Variants in UAP1 observed in about 807,000 individuals in gnomAD.
The protein encoded by UAP1 is UDP-N-acetylhexosamine pyrophosphorylase.
In UAP1, 25 loss-of-function variants were observed where a neutral mutation model predicts 58.5. That is an observed-to-expected ratio of 0.43 (90% confidence interval 0.31 to 0.60). UAP1 has a LOEUF of 0.60. UAP1 is among the 20% of genes least tolerant of loss of function. The probability of loss-of-function intolerance (pLI) is 0.11; values close to 1 mark genes in which losing one functional copy is unlikely to be tolerated. For synonymous variants in UAP1, 208 were observed against 213.0 expected (o/e 0.98, Z 0.21); for missense variants, 575 against 630.0 (o/e 0.91, Z 0.93).
exon 8 of UAP1, chr1:162,590,510 C>A: frequency 6.3e-7 from 1 of 1,597,916 alleles, no homozygotes; most frequent in Non-Finnish European, 8.5e-7. Context: ...AGCAATTCCC[C>A]GGTAAGTCAG....
chr1:162,579,685 T>C, intron 4 of UAP1, 82 bp downstream of exon 4: 1 of 1,229,472 alleles, frequency 8.1e-7, no homozygotes, highest in Non-Finnish European at 1.1e-6. Context: ...TTTAACATGG[T>C]GATTTTGATA....
chr1:162,581,138 C>G, intron 4 of UAP1, 149 bp from the exon 5 acceptor site: 1 of 820,528 alleles, frequency 1.2e-6, no homozygotes, highest in Non-Finnish European at 1.9e-6. Flanking sequence ...TTTTTGACAC[C>G]TGATTCCTTC....
intron 2 of UAP1, among the ~76,000 whole-genome samples, chr1:162,572,884 A>G (rs1312703701): frequency 6.6e-6 from 1 of 152,212 alleles, no homozygotes; most frequent in Non-Finnish European, 1.5e-5. Flanking sequence ...TATATGTACT[A>G]TAGTCCTTTT....
exon 8 of UAP1, chr1:162,590,453 C>T (rs1557978530): frequency 6.2e-7 from 1 of 1,612,036 alleles, no homozygotes. Flanking sequence ...TTGCTGGGTC[C>T]TCAATGCAGG....
chr1:162,583,626 GTTTATTTA>G (rs763688305), intron 5 of UAP1, among the ~76,000 whole-genome samples: 2 of 151,772 alleles, frequency 1.3e-5, no homozygotes, highest in African/African-American at 2.4e-5. Flanking sequence ...TACTTTGTTT[GTTTATTTA>G]TTTATTTATT....
In UAP1 at chr1:162,599,317, T is replaced by A. The variant is rs190156359; in HGVS notation, c.1523T>A (p.Ile508Asn). 3.2e-5 allele frequency: 52 copies of A among 1,612,668 alleles called. No individual in the cohort carries two copies. The East Asian group carries it at 1.1e-3, about 35-fold the overall frequency. Residue 508 changes from isoleucine (I) to asparagine (N), a missense_variant, in exon 11 of 11, where the codon ATC becomes AAC. Physicochemically the swap from Ile to Asn is moderately radical, Grantham distance 149. Transcript: ENST00000271469. ...GATAAAGAATTCCATGCACCTCTAA[T>A]CATCGATGAGAATGGAGTTCATGAG...
intron 2 of UAP1, among the ~76,000 whole-genome samples, chr1:162,576,287 C>T (rs373794466): frequency 7.9e-5 from 12 of 151,994 alleles, no homozygotes; most frequent in Admixed American, 6.6e-4. Context: ...TTGGTATTTT[C>T]TTTACTCTGT....
intron 2 of UAP1, among the ~76,000 whole-genome samples, chr1:162,567,172 A>T (rs1571052430): frequency 6.6e-6 from 1 of 152,330 alleles, no homozygotes; most frequent in East Asian, 1.9e-4. Context: ...ACTTACACTC[A>T]TTCATTAAGG....
chr1:162,583,347 G>T (rs1164018581), intron 5 of UAP1, among the ~76,000 whole-genome samples: 1 of 151,702 alleles, frequency 6.6e-6, no homozygotes, highest in Non-Finnish European at 1.5e-5. Flanking sequence ...TACAGACGGG[G>T]TTTCACTATG....
At position 162,577,434 on chromosome 1, in the gene UAP1, CCTTT is replaced by C. The variant is rs1354224576; in HGVS notation, c.485+454_485+457del. Among the ~76,000 whole-genome samples the C allele has an allele frequency of 3.5e-4, 48 of 138,226 alleles. 1 individual carries two copies. Among genetic ancestry groups the C allele is most frequent in the African/African-American group, 1.3e-3 (46 of 34,850 alleles). 90.7% of individuals were successfully genotyped at this position (138,226 alleles called of 152,430 possible). ...CACCTTGGTCAGTGTTAGTTCCTTC[CCTTT>C]TTTTTTTTTTTTTTTTTTTTTTTTT... On this transcript the variant is annotated intron_variant, in intron 3 of 10. Coordinates refer to ENST00000271469, the Ensembl canonical transcript of UAP1.
chr1:162,570,494 T>C (rs1466223979), intron 2 of UAP1, among the ~76,000 whole-genome samples: 1 of 152,198 alleles, frequency 6.6e-6, no homozygotes, highest in Non-Finnish European at 1.5e-5. Flanking sequence ...TGCAGTATTT[T>C]AAGGCAAATC....
At chr1:162,593,323 A>G (rs1198591675) in intron 9 of UAP1, 1 of 152,638 alleles carries the variant, frequency 6.6e-6, no homozygotes, top group Non-Finnish European at 1.5e-5. Flanking sequence ...GAATCTTTTT[A>G]TCTTAATGGC....
rs140057169 is a variant in UAP1, at chr1:162,594,672, T to C, written c.1409+1890T>C. 8.3e-3 allele frequency among the ~76,000 whole-genome samples: 1,258 copies of C among 152,356 alleles called. 14 individuals are homozygous for C. Among genetic ancestry groups the C allele is most frequent in the Non-Finnish European group, 0.014 (954 of 68,040 alleles). On this transcript the variant is annotated intron_variant, in intron 9 of 10. Transcript: ENST00000271469. ...ATTAAATTTCTTTGTCATTGAACCA[T>C]AGCTTTTAACCTAACAGTGTAATAG...
chr1:162,590,462 G>C, exon 8 of UAP1: 4 of 1,609,284 alleles, frequency 2.5e-6, no homozygotes, highest in Non-Finnish European at 3.4e-6. Context: ...CCTCAATGCA[G>C]GGGGCCATTT....
chr1:162,585,584 T>C (rs1323808026), intron 5 of UAP1, among the ~76,000 whole-genome samples: 9 of 152,242 alleles, frequency 5.9e-5, no homozygotes, highest in Non-Finnish European at 1.3e-4. Context: ...CTTTTCTGTA[T>C]AATATAAATG....
rs1331549106 is a variant in UAP1, at chr1:162,592,723, C to T, written c.1359-9C>T. The T allele has an allele frequency of 3.2e-6, 5 of 1,545,616 alleles. No individual in the cohort carries two copies. In the African/African-American group the frequency reaches 5.5e-5, roughly 17 times the overall value. ...CCATTCCCATTAATCCTTATTTATT[C>T]CCACATAGCAGTGCTACAAATGGGA... is the stretch of plus-strand genomic sequence containing the variant. On this transcript the variant is annotated splice_polypyrimidine_tract_variant and intron_variant, in intron 8 of 10. Coordinates refer to ENST00000271469, the Ensembl canonical transcript of UAP1.
rs60264435 is a variant in UAP1 at position 162,566,630 on chromosome 1, A to ATT, written c.280+295_280+296dup. Among the ~76,000 whole-genome samples the ATT allele has an allele frequency of 2.6e-3, 371 of 144,706 alleles. 4 individuals are homozygous for ATT. The East Asian group carries it at 0.048, about 19-fold the overall frequency. 94.9% of individuals were successfully genotyped at this position (144,706 alleles called of 152,430 possible). A position where few individuals can be genotyped will look rare whatever the true frequency, so the allele number is the denominator to read the frequency against. On this transcript the variant is annotated intron_variant, in intron 2 of 10. Coordinates refer to ENST00000271469, the Ensembl canonical transcript of UAP1. Reference sequence around the variant, plus strand: ...AAATACTTAAGTTTAAGCTGGCTTAATTTTTTTTTTTTTTAAGACAGAGTC... The same window carrying ATT: ...AAATACTTAAGTTTAAGCTGGCTTAATTTTTTTTTTTTTTTTAAGACAGAGTC...
rs376590122 is a variant in UAP1, at chr1:162,563,848, G to A, written c.-58+2071G>A. 5.9e-5 allele frequency among the ~76,000 whole-genome samples: 9 copies of A among 152,244 alleles called. No individual in the cohort carries two copies. In the South Asian group the frequency reaches 1.7e-3, roughly 28 times the overall value. On this transcript the variant is annotated intron_variant, in intron 1 of 10. Coordinates refer to ENST00000271469, the Ensembl canonical transcript of UAP1. ...ATCTTGAAGGCATGTGAGAAAGGTT[G>A]GTTGTCTTATATTCATGAGGAAATC...
intron 8 of UAP1, 39 bp downstream of exon 8, chr1:162,590,550 T>G (rs775160265): frequency 6.4e-5 from 98 of 1,526,014 alleles, no homozygotes; most frequent in Non-Finnish European, 8.2e-5. Flanking sequence ...GAATCCTTTC[T>G]TGGACTTTTC....
Sources: gnomAD v4.1 joint callset for allele counts (sites outside exome capture counted in the v4.1 genomes callset) on GRCh38, gnomAD v4.1.1 for gene constraint, MANE v1.5 for transcripts, NCBI Gene and HGNC (gene_info 2026-07-23, HGNC 2026-07-21) for gene names.